Variants in ST6GALNAC3 observed in about 807,000 individuals in gnomAD.
The protein encoded by ST6GALNAC3 is ST6 N-acetylgalactosaminide alpha-2,6-sialyltransferase 3, also known as alpha-N-acetylgalactosaminide alpha-2,6-sialyltransferase 3.
ST6GALNAC3 carries 25 observed loss-of-function variants against 32.7 expected under a neutral mutation model. The ratio of observed to expected loss-of-function variants is 0.76; its 90% CI spans 0.56 to 1.07. The LOEUF (loss-of-function observed/expected upper bound fraction) is 1.07. Ranked by LOEUF, ST6GALNAC3 falls within the 50% of genes least tolerant of loss-of-function variation. ST6GALNAC3 has a pLI of 0.00. For synonymous variants in ST6GALNAC3, 129 were observed against 133.1 expected (o/e 0.97, Z 0.21); for missense variants, 355 against 382.4 (o/e 0.93, Z 0.60).
At chr1:76,244,737 G>T (rs1182761226) in intron 1 of ST6GALNAC3, among the ~76,000 whole-genome samples, 3 of 152,120 alleles carry the variant, frequency 2.0e-5, no homozygotes, top group African/African-American at 4.8e-5. Context: ...TTATGTGATG[G>T]AATACGTTTA....
chr1:76,230,332 C>G (rs1656300005), intron 1 of ST6GALNAC3, among the ~76,000 whole-genome samples: 1 of 152,042 alleles, frequency 6.6e-6, no homozygotes, highest in Non-Finnish European at 1.5e-5. Flanking sequence ...TCTGTGTTCT[C>G]TCTGTTATTA....
chr1:76,166,659 G>A (rs1235245197), intron 1 of ST6GALNAC3, among the ~76,000 whole-genome samples: 1 of 152,114 alleles, frequency 6.6e-6, no homozygotes, highest in African/African-American at 2.4e-5. Flanking sequence ...ATTTATTTGT[G>A]TTATCTCTGG....
At chr1:76,439,415 G>C (rs906716296) in intron 3 of ST6GALNAC3, among the ~76,000 whole-genome samples, 3 of 152,184 alleles carry the variant, frequency 2.0e-5, no homozygotes, top group Non-Finnish European at 2.9e-5. Flanking sequence ...TGTTTAAAAA[G>C]GTCCGGGGCT....
intron 3 of ST6GALNAC3, among the ~76,000 whole-genome samples, chr1:76,465,897 T>C (rs1557446690): frequency 6.6e-6 from 1 of 152,120 alleles, no homozygotes; most frequent in African/African-American, 2.4e-5. Flanking sequence ...CAGATTATTT[T>C]CTTTAACAGA....
chr1:76,571,378 C>T (rs1557585590), intron 3 of ST6GALNAC3, among the ~76,000 whole-genome samples: 1 of 152,038 alleles, frequency 6.6e-6, no homozygotes, highest in African/African-American at 2.4e-5. Context: ...TATCCACCTA[C>T]TTTTTTTAAA....
chr1:76,480,663 A>G (rs1659664363), intron 3 of ST6GALNAC3, among the ~76,000 whole-genome samples: 1 of 152,100 alleles, frequency 6.6e-6, no homozygotes, highest in Admixed American at 6.6e-5. Context: ...TGCCCCAAAT[A>G]TTAGATCTTT....
chr1:76,402,555 A>G (rs1653507061), intron 2 of ST6GALNAC3, among the ~76,000 whole-genome samples: 3 of 152,266 alleles, frequency 2.0e-5, no homozygotes, highest in Middle Eastern at 3.4e-3. Flanking sequence ...CCAGAATATT[A>G]TTTAGGCAGA....
chr1:76,330,124 A>G (rs1034858508), intron 2 of ST6GALNAC3, among the ~76,000 whole-genome samples: 4 of 151,812 alleles, frequency 2.6e-5, no homozygotes, highest in Admixed American at 1.3e-4. Context: ...ACAATGGAGA[A>G]TATTAAACAA....
At chr1:76,236,870 T>C (rs1462686748) in intron 1 of ST6GALNAC3, among the ~76,000 whole-genome samples, 1 of 152,214 alleles carries the variant, frequency 6.6e-6, no homozygotes, top group Non-Finnish European at 1.5e-5. Flanking sequence ...ATTCAACAGA[T>C]AAAAGATAGT....
chr1:76,372,171 G>T (rs569523668), intron 2 of ST6GALNAC3, among the ~76,000 whole-genome samples: 2 of 152,144 alleles, frequency 1.3e-5, no homozygotes, highest in Non-Finnish European at 2.9e-5. Context: ...AGGAAGCAGA[G>T]ACAGCAGCTT....
At chr1:76,422,070 A>G (rs918831272) in intron 3 of ST6GALNAC3, among the ~76,000 whole-genome samples, 1 of 151,734 alleles carries the variant, frequency 6.6e-6, no homozygotes, top group Non-Finnish European at 1.5e-5. Context: ...TTTAATTTTT[A>G]GTGTTTTCTA....
chr1:76,380,570 C>T (rs1361598002), intron 2 of ST6GALNAC3, among the ~76,000 whole-genome samples: 1 of 151,932 alleles, frequency 6.6e-6, no homozygotes, highest in Non-Finnish European at 1.5e-5. Flanking sequence ...AAATGTCCAC[C>T]AACAGTAGAA....
chr1:76,209,471 T>C (rs72675920), intron 1 of ST6GALNAC3, among the ~76,000 whole-genome samples: 4,469 of 152,312 alleles, frequency 0.029, 130 homozygotes, highest in African/African-American at 0.078. Flanking sequence ...TGTAGGACTG[T>C]ATCCTCACAG....
chr1:76,117,196 G>A (rs1648536568), intron 1 of ST6GALNAC3, among the ~76,000 whole-genome samples: 1 of 152,168 alleles, frequency 6.6e-6, no homozygotes, highest in Non-Finnish European at 1.5e-5. Context: ...TTGCTTTAGG[G>A]CAATCTTCGG....
intron 1 of ST6GALNAC3, among the ~76,000 whole-genome samples, chr1:76,113,341 AGGGAGGGGGAGGGGGAGG>A (rs371571830): frequency 3.7e-4 from 4 of 10,674 alleles, no homozygotes; most frequent in East Asian, 6.3e-3. Context: ...GAGACGGGAG[AGGGAGGGGGAGGGGGAGG>A]GGGAGGGGGA....
At chr1:76,146,464 G>A (rs967172696) in intron 1 of ST6GALNAC3, among the ~76,000 whole-genome samples, 3 of 152,024 alleles carry the variant, frequency 2.0e-5, no homozygotes, top group Non-Finnish European at 4.4e-5. Flanking sequence ...GTGGCATCTT[G>A]GCATGCTCCT....
chr1:76,600,230 G>T (rs991994457), intron 3 of ST6GALNAC3, among the ~76,000 whole-genome samples: 4 of 152,068 alleles, frequency 2.6e-5, no homozygotes, highest in African/African-American at 9.7e-5. Flanking sequence ...ACAGAAGAGG[G>T]CTCTCACCAG....
chr1:76,486,112 T>C (rs1486648240), intron 3 of ST6GALNAC3, among the ~76,000 whole-genome samples: 1 of 152,236 alleles, frequency 6.6e-6, no homozygotes, highest in Non-Finnish European at 1.5e-5. Context: ...TTTCTGTTCT[T>C]TTACATTTGC....
At chr1:76,308,531 G>C (rs903246642) in intron 1 of ST6GALNAC3, among the ~76,000 whole-genome samples, 3 of 152,110 alleles carry the variant, frequency 2.0e-5, no homozygotes, top group Non-Finnish European at 4.4e-5. Flanking sequence ...CTTCAATAAA[G>C]GCAGCAGCAA....
Sources: allele counts gnomAD v4.1 joint callset (sites outside exome capture counted in the v4.1 genomes callset), GRCh38; gene constraint gnomAD v4.1.1; transcripts MANE v1.5; gene names NCBI Gene and HGNC (gene_info 2026-07-23, HGNC 2026-07-21).